Variants in GRID1 observed in about 807,000 individuals in gnomAD.
The protein encoded by GRID1 is glutamate ionotropic receptor delta type subunit 1.
Under a neutral mutation model 98.0 loss-of-function variants are expected in GRID1, and 28 were observed. The observed-to-expected ratio is 0.29, with a 90% CI of 0.21 to 0.39. The LOEUF is 0.39. Ranked by LOEUF, GRID1 falls within the 10% of genes least tolerant of loss-of-function variation. The pLI, the probability that GRID1 is intolerant of heterozygous loss-of-function variation, is 1.00. For missense variants in GRID1, 1,111 were observed against 1,340.5 expected, an observed-to-expected ratio of 0.83 and a Z score of 2.67; for synonymous variants, 553 against 538.5, an observed-to-expected ratio of 1.03 and a Z score of -0.37.
At chr10:85,815,510 T>C (rs1431827006) in intron 8 of GRID1, among the ~76,000 whole-genome samples, 9 of 152,016 alleles carry the variant, frequency 5.9e-5, no homozygotes, top group Non-Finnish European at 1.3e-4. Flanking sequence ...AACAATTATA[T>C]TAAAATCTAC....
intron 8 of GRID1, among the ~76,000 whole-genome samples, chr10:85,731,162 T>G (rs538959047): frequency 6.6e-6 from 1 of 152,222 alleles, no homozygotes; most frequent in East Asian, 1.9e-4. Flanking sequence ...CTCTGAGATG[T>G]AAAACCATCA....
At chr10:86,265,091 C>G (rs1051975906) in intron 2 of GRID1, among the ~76,000 whole-genome samples, 2 of 152,262 alleles carry the variant, frequency 1.3e-5, no homozygotes, top group Non-Finnish European at 2.9e-5. Flanking sequence ...CTGGGCTACT[C>G]ATCCTTTCTG....
chr10:86,117,455 C>A (rs1844601006), intron 4 of GRID1, among the ~76,000 whole-genome samples: 1 of 151,948 alleles, frequency 6.6e-6, no homozygotes. Flanking sequence ...ACCACCACCA[C>A]CATTCCCATC....
intron 3 of GRID1, among the ~76,000 whole-genome samples, chr10:86,157,496 G>A (rs11201917): frequency 0.041 from 6,257 of 152,280 alleles, 145 homozygotes; most frequent in Non-Finnish European, 0.054. Flanking sequence ...GCATGCTGGC[G>A]AGGCCCCCAG....
chr10:86,099,831 T>C (rs760404653), intron 4 of GRID1, among the ~76,000 whole-genome samples: 1 of 152,150 alleles, frequency 6.6e-6, no homozygotes, highest in Non-Finnish European at 1.5e-5. Context: ...GGGCCACTGG[T>C]GGCTGGGGGT....
intron 4 of GRID1, among the ~76,000 whole-genome samples, chr10:86,026,217 A>G (rs1261846886): frequency 3.3e-5 from 5 of 152,242 alleles, no homozygotes; most frequent in African/African-American, 1.2e-4. Flanking sequence ...CTATTTGCAT[A>G]TAGATGGAGA....
intron 8 of GRID1, among the ~76,000 whole-genome samples, chr10:85,756,709 G>T (rs1192544098): frequency 6.6e-6 from 1 of 152,168 alleles, no homozygotes; most frequent in Non-Finnish European, 1.5e-5. Context: ...TAGTTGATTG[G>T]TTGACTGTGG....
At chr10:86,179,461 A>C (rs1428681634) in intron 3 of GRID1, among the ~76,000 whole-genome samples, 1 of 152,200 alleles carries the variant, frequency 6.6e-6, no homozygotes, top group Non-Finnish European at 1.5e-5. Flanking sequence ...AGTCACTTCC[A>C]TCCCAGCTTT....
intron 2 of GRID1, among the ~76,000 whole-genome samples, chr10:86,262,577 C>T (rs973200053): frequency 1.3e-5 from 2 of 152,178 alleles, no homozygotes; most frequent in Non-Finnish European, 2.9e-5. Context: ...GGCTCCACCC[C>T]CAAGCGTTCT....
At chr10:86,129,667 A>C (rs1844805162) in intron 4 of GRID1, among the ~76,000 whole-genome samples, 1 of 152,232 alleles carries the variant, frequency 6.6e-6, no homozygotes, top group African/African-American at 2.4e-5. Flanking sequence ...GAGAAGGCAC[A>C]TGGCCCCAGG....
chr10:86,131,208 C>T (rs1589382049), intron 4 of GRID1, among the ~76,000 whole-genome samples: 1 of 152,260 alleles, frequency 6.6e-6, no homozygotes, highest in African/African-American at 2.4e-5. Context: ...CTTCTTACAG[C>T]TTCCCCGCTG....
intron 14 of GRID1, 42 bp from the exon 15 acceptor site, chr10:85,613,689 T>C: frequency 1.9e-6 from 3 of 1,586,746 alleles, no homozygotes; most frequent in Non-Finnish European, 2.6e-6. Context: ...ACTGACGTCA[T>C]CAACTCAGCC....
intron 8 of GRID1, among the ~76,000 whole-genome samples, chr10:85,741,402 C>A (rs1340477833): frequency 2.6e-5 from 4 of 152,084 alleles, no homozygotes; most frequent in Non-Finnish European, 5.9e-5. Context: ...TATGTCTTTA[C>A]CACTAGGCCC....
chr10:85,695,885 T>G (rs1193615516), intron 12 of GRID1, among the ~76,000 whole-genome samples: 1 of 152,138 alleles, frequency 6.6e-6, no homozygotes, highest in Non-Finnish European at 1.5e-5. Context: ...TAAGAGACAT[T>G]CGTGGCTTCC....
intron 2 of GRID1, among the ~76,000 whole-genome samples, chr10:86,230,435 C>G (rs1404672535): frequency 6.6e-6 from 1 of 152,216 alleles, no homozygotes; most frequent in African/African-American, 2.4e-5. Context: ...TCTCACCCCT[C>G]CCAGAAGCCA....
intron 2 of GRID1, among the ~76,000 whole-genome samples, chr10:86,223,778 T>C (rs1278024375): frequency 6.6e-6 from 1 of 152,222 alleles, no homozygotes; most frequent in African/African-American, 2.4e-5. Flanking sequence ...AACTGCATGC[T>C]GTGTCTATCA....
chr10:86,143,812 C>A (rs1000930134), intron 3 of GRID1, among the ~76,000 whole-genome samples: 1 of 152,228 alleles, frequency 6.6e-6, no homozygotes, highest in African/African-American at 2.4e-5. Flanking sequence ...AGAGAGGAGT[C>A]CTGCGCCTTA....
rs1029680927 is a variant in GRID1, at chr10:86,339,401, C to T, written c.235+24540G>A. 3.3e-5 allele frequency among the ~76,000 whole-genome samples: 5 copies of T among 152,210 alleles called. No homozygotes were observed. The East Asian group carries it at 5.8e-4, about 18-fold the overall frequency. On this transcript the variant is annotated intron_variant, in intron 2 of 15. Coordinates refer to ENST00000327946, the MANE Select transcript of GRID1 (RefSeq NM_017551.3). ...CGGGCCTGCCCATGGGGAGTGGATT[C>T]GGTGATTACCCAGTGCTGGCTCCAC...
At chr10:85,934,415 C>G (rs942559787) in intron 4 of GRID1, among the ~76,000 whole-genome samples, 3 of 12,512 alleles carry the variant, frequency 2.4e-4, no homozygotes, top group African/African-American at 7.5e-4. Context: ...AGAGATTGGA[C>G]ACACACACAC....
Sources: allele counts gnomAD v4.1 joint callset (sites outside exome capture counted in the v4.1 genomes callset), GRCh38; gene constraint gnomAD v4.1.1; transcripts MANE v1.5; gene names NCBI Gene and HGNC (gene_info 2026-07-23, HGNC 2026-07-21).